KLHL25: variants seen among roughly 807,000 people sequenced by gnomAD.
KLHL25 encodes the protein kelch-like protein 25.
KLHL25 carries 41 observed loss-of-function variants against 30.0 expected under a neutral mutation model. The observed-to-expected ratio is 1.37, with a 90% CI of 1.07 to 1.78. The LOEUF (loss-of-function observed/expected upper bound fraction) is 1.78, where lower values mean the gene tolerates loss of function less well. Ranked by LOEUF, KLHL25 falls within the 40% of genes most tolerant of loss-of-function variation. The pLI is 0.00. For missense variants in KLHL25, 971 were observed against 824.5 expected, an observed-to-expected ratio of 1.18 and a Z score of -2.18; for synonymous variants, 399 against 355.3, an observed-to-expected ratio of 1.12 and a Z score of -1.38.
chr15:85,769,324 G>T lies in KLHL25; in HGVS notation c.487C>A (p.Arg163=). The change falls in exon 2 of 3, where the codon CGG becomes AGG. Residue 163 remains arginine (R), a synonymous_variant. Transcript: ENST00000337975. Reference sequence around the variant, plus strand: ...ATGCGCCAGGAGAACTCATACAGCCGGCGGCACTGGTGGGCGTCCGAGAGC... The same window carrying T: ...ATGCGCCAGGAGAACTCATACAGCCTGCGGCACTGGTGGGCGTCCGAGAGC... The part of the protein sequence containing the change: ...MLLSDAHQCR[R]LYEFSWRMCL... 2 of 1,614,116 alleles carry T rather than the reference G, an allele frequency of 1.2e-6. No homozygotes were observed. Among genetic ancestry groups the T allele is most frequent in the Non-Finnish European group, 1.7e-6 (2 of 1,180,030 alleles).
At chr15:85,766,994 A>AC (rs2089629600) in intron 2 of KLHL25, among the ~76,000 whole-genome samples, 1 of 140,862 alleles carries the variant, frequency 7.1e-6, no homozygotes, top group South Asian at 2.2e-4. Flanking sequence ...GTTGGCGATC[A>AC]TTTTTTTTTT....
In KLHL25 at chr15:85,760,868, T is replaced by C. The variant is rs1715512399; in HGVS notation, c.*168A>G. On this transcript the variant is annotated 3_prime_UTR_variant, in exon 3 of 3. Transcript: ENST00000337975. ...GATGCAAGAGATGCTTCTCTTCTCT[T>C]GCCTAAAGCTCAGAACAGCCCAAGG... 1 of 152,308 alleles carries C rather than the reference T, an allele frequency of 6.6e-6. No individual in the cohort carries two copies. Among genetic ancestry groups the C allele is most frequent in the African/African-American group, 2.4e-5 (1 of 41,464 alleles). The allele number at this position is 152,308 out of a possible 1,614,324, so 9.4% of individuals were successfully genotyped here. A position where few individuals can be genotyped will look rare whatever the true frequency, so the allele number is the denominator to read the frequency against.
intron 1 of KLHL25, among the ~76,000 whole-genome samples, chr15:85,779,621 T>C (rs142992414): frequency 4.0e-4 from 61 of 152,356 alleles, no homozygotes; most frequent in Middle Eastern, 6.8e-3. Context: ...TTTTAAATTA[T>C]TGCAGTTACA....
rs559193446 is a variant in KLHL25 at position 85,760,825 on chromosome 15, G to C, written c.*211C>G. On this transcript the variant is annotated 3_prime_UTR_variant, in exon 3 of 3. Transcript: ENST00000337975. The stretch of plus-strand genomic sequence containing the variant: ...TCCCACAAACCACTGCAAAGCTGAA[G>C]AGGCCCCCAGGGGCACGGATGCAAG... 1 of 152,416 alleles carries C rather than the reference G, an allele frequency of 6.6e-6. No individual in the cohort carries two copies. Among genetic ancestry groups the C allele is most frequent in the Non-Finnish European group, 1.5e-5 (1 of 68,182 alleles). The allele number at this position is 152,416 out of a possible 1,614,324, so 9.4% of individuals were successfully genotyped here. A position where few individuals can be genotyped will look rare whatever the true frequency, so the allele number is the denominator to read the frequency against.
chr15:85,792,608 G>A (rs2089825122), intron 1 of KLHL25, among the ~76,000 whole-genome samples: 2 of 152,166 alleles, frequency 1.3e-5, no homozygotes, highest in Admixed American at 1.3e-4. Flanking sequence ...TGCTGACTGT[G>A]CGGCCAGACA....
chr15:85,769,340 G>A lies in KLHL25; in HGVS notation c.471C>T (p.Asp157=), dbSNP rs200737857. 407 of 1,614,112 alleles carry A rather than the reference G, an allele frequency of 2.5e-4. No homozygotes were observed. Among genetic ancestry groups the A allele is most frequent in the Admixed American group, 4.7e-4 (28 of 60,030 alleles). Residue 157 remains aspartate (D), a synonymous_variant, in exon 2 of 3, where the codon GAC becomes GAT. Coordinates refer to ENST00000337975, the MANE Select transcript of KLHL25 (RefSeq NM_022480.4). ...SNCLGMMLLS[D]AHQCRRLYEF... is the part of the protein sequence containing the mutation. ...CATACAGCCGGCGGCACTGGTGGGC[G>A]TCCGAGAGCAGCATCATGCCCAGGC...
Position 85,768,771 on chromosome 15 carries a change from C to T in KLHL25, c.1040G>A (p.Gly347Asp), listed in dbSNP as rs757493196. The T allele has an allele frequency of 3.1e-6, 5 of 1,612,890 alleles. No homozygotes were observed. The highest frequency in any genetic ancestry group is 2.2e-5 in the East Asian group (1 of 44,868). ...AIGCKVYVTG[G>D]RGSENGVSKD... is the part of the protein sequence containing the mutation. ...GGAGACCCCGTTCTCGGAGCCCCTGCCCCCCGTCACATAGACCTTGCAGCC... is the reference window on the plus strand; with the variant it reads ...GGAGACCCCGTTCTCGGAGCCCCTGTCCCCCGTCACATAGACCTTGCAGCC... The change falls in exon 2 of 3, where the codon GGC (glycine) becomes GAC (aspartate). Residue 347 changes from glycine to aspartate, a missense_variant. Coordinates refer to ENST00000337975, the MANE Select transcript of KLHL25 (RefSeq NM_022480.4).
chr15:85,763,367 G>A (rs906362868), intron 2 of KLHL25: 8 of 152,282 alleles, frequency 5.3e-5, no homozygotes, highest in African/African-American at 1.9e-4. Flanking sequence ...GGCGCCTGCA[G>A]GCAGGCGGCA....
intron 1 of KLHL25, among the ~76,000 whole-genome samples, chr15:85,793,942 G>A (rs1170044294): frequency 6.6e-6 from 1 of 152,228 alleles, no homozygotes; most frequent in Non-Finnish European, 1.5e-5. Context: ...CAAAGACAAT[G>A]GGAATGCACT....
chr15:85,793,499 C>T (rs1258217346), intron 1 of KLHL25, among the ~76,000 whole-genome samples: 1 of 152,144 alleles, frequency 6.6e-6, no homozygotes, highest in Admixed American at 6.5e-5. Context: ...CTACTCTTCC[C>T]CAGACCCCCA....
At position 85,768,027 on chromosome 15, in the gene KLHL25, T is replaced by C; in HGVS notation, c.*14A>G. 6.2e-7 allele frequency: 1 copy of C among 1,601,058 alleles called. No individual in the cohort carries two copies. Among genetic ancestry groups the C allele is most frequent in the Non-Finnish European group, 8.5e-7 (1 of 1,170,852 alleles). ...CTGCCAGGGACTCACCTGGCTGGGCTCAGCAGGTGCTCCTCACGCGGGCAG... is the reference window on the plus strand; with the variant it reads ...CTGCCAGGGACTCACCTGGCTGGGCCCAGCAGGTGCTCCTCACGCGGGCAG... On this transcript the variant is annotated 3_prime_UTR_variant, in exon 2 of 3. Coordinates refer to ENST00000337975, the MANE Select transcript of KLHL25 (RefSeq NM_022480.4).
intron 1 of KLHL25, among the ~76,000 whole-genome samples, chr15:85,782,410 C>G (rs933797619): frequency 3.3e-5 from 5 of 151,892 alleles, no homozygotes; most frequent in Non-Finnish European, 7.4e-5. Context: ...CGCTCCTGCT[C>G]AAAAGCCTTC....
intron 2 of KLHL25, among the ~76,000 whole-genome samples, chr15:85,765,817 C>T (rs561699904): frequency 1.7e-4 from 21 of 125,436 alleles, no homozygotes; most frequent in African/African-American, 5.1e-4. Context: ...GGTGACAGAG[C>T]GAGACTGTCT....
intron 1 of KLHL25, among the ~76,000 whole-genome samples, chr15:85,784,077 G>C (rs1433613885): frequency 1.3e-5 from 2 of 152,176 alleles, no homozygotes; most frequent in East Asian, 3.8e-4. Context: ...TATTGATGCA[G>C]GTCCATGGAT....
chr15:85,763,665 T>A (rs1473840912), intron 2 of KLHL25: 1 of 151,982 alleles, frequency 6.6e-6, no homozygotes, highest in Non-Finnish European at 1.5e-5. Flanking sequence ...AACGTCAGAG[T>A]CTTACAGGAT....
intron 1 of KLHL25, among the ~76,000 whole-genome samples, chr15:85,791,987 C>G (rs4843098): frequency 6.6e-6 from 1 of 151,914 alleles, no homozygotes. Flanking sequence ...CCCACCTAAT[C>G]CCACAGCACC....
intron 1 of KLHL25, among the ~76,000 whole-genome samples, chr15:85,784,083 T>G (rs988181155): frequency 3.9e-5 from 6 of 152,262 alleles, no homozygotes; most frequent in African/African-American, 1.4e-4. Context: ...TGCAGGTCCA[T>G]GGATGTCGAC....
intron 1 of KLHL25, among the ~76,000 whole-genome samples, chr15:85,788,038 G>A (rs764150044): frequency 4.8e-4 from 57 of 118,022 alleles, no homozygotes; most frequent in Admixed American, 2.6e-3. Context: ...CCTGGGCAAT[G>A]AGAGGGAAAC....
chr15:85,763,702 G>C (rs2089598934), intron 2 of KLHL25: 1 of 152,320 alleles, frequency 6.6e-6, no homozygotes, highest in Non-Finnish European at 1.5e-5. Context: ...CCAGGGACAG[G>C]GGCAGTTGGG....
Sources: gnomAD v4.1 joint callset for allele counts (sites outside exome capture counted in the v4.1 genomes callset) on GRCh38, gnomAD v4.1.1 for gene constraint, MANE v1.5 for transcripts, NCBI Gene and HGNC (gene_info 2026-07-23, HGNC 2026-07-21) for gene names.